The following PPP2R2B variants were observed in gnomAD, a reference collection of about 807,000 sequenced individuals.
PPP2R2B encodes serine/threonine-protein phosphatase 2A 55 kDa regulatory subunit B beta isoform.
PPP2R2B carries 5 observed loss-of-function variants against 46.0 expected under a neutral mutation model. That is an observed-to-expected ratio of 0.11 (90% CI 0.06 to 0.23). The LOEUF (loss-of-function observed/expected upper bound fraction) is 0.23. Among genes scored for constraint, PPP2R2B ranks in the 10% least tolerant of loss-of-function variants. The pLI is 1.00. For missense variants in PPP2R2B, 367 were observed against 575.0 expected, an observed-to-expected ratio of 0.64 and a Z score of 3.70; for synonymous variants, 215 against 206.7, an observed-to-expected ratio of 1.04 and a Z score of -0.34.
intron 2 of PPP2R2B, among the ~76,000 whole-genome samples, chr5:146,761,211 A>G (rs1048313265): frequency 3.3e-5 from 5 of 152,222 alleles, no homozygotes; most frequent in Admixed American, 1.3e-4. Context: ...AGACACATGC[A>G]CATGTATGTT....
intron 1 of PPP2R2B, among the ~76,000 whole-genome samples, chr5:147,023,552 A>G (rs1755386563): frequency 6.6e-6 from 1 of 152,228 alleles, no homozygotes; most frequent in South Asian, 2.1e-4. Flanking sequence ...TATGATGTAA[A>G]CAATAATCAT....
At chr5:146,754,365 G>A (rs1478125192) in intron 2 of PPP2R2B, among the ~76,000 whole-genome samples, 2 of 152,162 alleles carry the variant, frequency 1.3e-5, no homozygotes, top group East Asian at 1.9e-4. Flanking sequence ...AATAGGTAGT[G>A]GAATAGCATG....
intron 2 of PPP2R2B, among the ~76,000 whole-genome samples, chr5:146,822,783 A>G (rs1156755342): frequency 2.0e-5 from 3 of 152,160 alleles, no homozygotes; most frequent in East Asian, 1.9e-4. Context: ...TACATAGTAG[A>G]TATTCAGTAA....
At chr5:146,605,167 C>G (rs927351199) in intron 7 of PPP2R2B, among the ~76,000 whole-genome samples, 1 of 152,182 alleles carries the variant, frequency 6.6e-6, no homozygotes, top group African/African-American at 2.4e-5. Context: ...TCAGTCAACT[C>G]AGGTACAACT....
At chr5:146,856,619 GA>G (rs1760686918) in intron 2 of PPP2R2B, 1 of 1,476,598 alleles carries the variant, frequency 6.8e-7, no homozygotes, top group African/African-American at 1.4e-5. Context: ...CAGACTCCAG[GA>G]GGTAGTGATG....
chr5:146,648,649 G>A (rs569559544), intron 6 of PPP2R2B, among the ~76,000 whole-genome samples: 2 of 152,050 alleles, frequency 1.3e-5, no homozygotes, highest in Non-Finnish European at 2.9e-5. Flanking sequence ...TTCAAATCAT[G>A]GTAAGTACCA....
At chr5:146,948,639 A>G (rs920897967) in intron 1 of PPP2R2B, among the ~76,000 whole-genome samples, 5 of 152,110 alleles carry the variant, frequency 3.3e-5, no homozygotes, top group African/African-American at 1.2e-4. Flanking sequence ...ATGTGTTCCT[A>G]TGAGAAATCA....
chr5:146,876,710 C>G (rs1350952643), intron 2 of PPP2R2B, among the ~76,000 whole-genome samples: 1 of 152,204 alleles, frequency 6.6e-6, no homozygotes, highest in African/African-American at 2.4e-5. Flanking sequence ...TCTGCTTTAT[C>G]TGTCTAGCAC....
At chr5:146,895,636 C>T (rs1762621741) in intron 1 of PPP2R2B, among the ~76,000 whole-genome samples, 1 of 151,940 alleles carries the variant, frequency 6.6e-6, no homozygotes, top group Admixed American at 6.6e-5. Context: ...GATTTCTTTC[C>T]CCAGTTTATA....
chr5:146,737,605 G>T (rs551600150), intron 2 of PPP2R2B, among the ~76,000 whole-genome samples: 1 of 151,562 alleles, frequency 6.6e-6, no homozygotes, highest in South Asian at 2.1e-4. Context: ...GCTTTTTTTT[G>T]CCACATTAGT....
chr5:147,009,498 A>G (rs1754610685), intron 1 of PPP2R2B, among the ~76,000 whole-genome samples: 1 of 152,130 alleles, frequency 6.6e-6, no homozygotes, highest in African/African-American at 2.4e-5. Flanking sequence ...AGAACTTGAC[A>G]TGTTGTATAC....
At position 146,814,056 on chromosome 5, in the gene PPP2R2B, G is replaced by A. The variant is rs182465343; in HGVS notation, c.70+63946C>T. On this transcript the variant is annotated intron_variant, in intron 2 of 9. Transcript: ENST00000394411. ...TTGTGGCAGTTAAAGCCATGACTTC[G>A]GACACATAGAACAGGGACTGAAAAC... Among the ~76,000 whole-genome samples the A allele has an allele frequency of 6.6e-5, 10 of 152,102 alleles. No individual in the cohort carries two copies. The East Asian group carries it at 1.2e-3, about 18-fold the overall frequency.
intron 2 of PPP2R2B, chr5:146,706,490 G>T: frequency 8.4e-7 from 1 of 1,191,948 alleles, no homozygotes; most frequent in Non-Finnish European, 1.2e-6. Context: ...TCAGCTTGAT[G>T]TTCATCAGCT....
chr5:146,623,990 C>A (rs551922653), intron 7 of PPP2R2B, among the ~76,000 whole-genome samples: 6 of 152,078 alleles, frequency 3.9e-5, no homozygotes, highest in South Asian at 4.1e-4. Flanking sequence ...ATTACACACA[C>A]GAGAGATCCC....
At chr5:146,787,325 G>A (rs1167946497) in intron 2 of PPP2R2B, among the ~76,000 whole-genome samples, 5 of 152,114 alleles carry the variant, frequency 3.3e-5, no homozygotes, top group Non-Finnish European at 7.3e-5. Context: ...TACACACTGT[G>A]GCCACAGGAT....
chr5:146,975,461 A>G (rs1752855462), intron 1 of PPP2R2B, among the ~76,000 whole-genome samples: 1 of 152,222 alleles, frequency 6.6e-6, no homozygotes, highest in African/African-American at 2.4e-5. Context: ...ATGCTGCTGT[A>G]AACATGGGTA....
At chr5:146,879,483 G>C (rs1762092889), upstream of PPP2R2B, among the ~76,000 whole-genome samples, 1 of 152,150 alleles carries the variant, frequency 6.6e-6, no homozygotes, top group African/African-American at 2.4e-5. Flanking sequence ...GGTTTTGCTT[G>C]TGCAGGAACA....
intron 1 of PPP2R2B, among the ~76,000 whole-genome samples, chr5:146,924,076 T>C (rs1763699975): frequency 6.6e-6 from 1 of 151,974 alleles, no homozygotes; most frequent in Non-Finnish European, 1.5e-5. Context: ...TTTTGGAGGA[T>C]GAAGGGTGGA....
intron 1 of PPP2R2B, among the ~76,000 whole-genome samples, chr5:146,984,833 G>A (rs1027455847): frequency 2.6e-5 from 4 of 151,780 alleles, no homozygotes; most frequent in Admixed American, 6.6e-5. Flanking sequence ...CAAATGTTGA[G>A]CATTTTTCAT....
Sources: allele counts gnomAD v4.1 joint callset (sites outside exome capture counted in the v4.1 genomes callset), GRCh38; gene constraint gnomAD v4.1.1; transcripts MANE v1.5; gene names NCBI Gene and HGNC (gene_info 2026-07-23, HGNC 2026-07-21).